The following DNAI4 variants were observed in gnomAD, a reference collection of about 807,000 sequenced individuals.
DNAI4 encodes the protein dynein axonemal intermediate chain 4, also known as WD repeat domain 78.
Under a neutral mutation model 105.8 loss-of-function variants are expected in DNAI4, and 85 were observed. That is an observed-to-expected ratio of 0.80 (90% CI 0.67 to 0.96). The LOEUF is 0.96. Among genes scored for constraint, DNAI4 ranks in the 40% least tolerant of loss-of-function variants. DNAI4 has a pLI of 0.00. For missense variants in DNAI4, 1,014 were observed against 1,005.6 expected (o/e 1.01, Z -0.11); for synonymous variants, 352 against 331.5 (o/e 1.06, Z -0.67).
chr1:66,840,152 C>T (rs142883188), intron 9 of DNAI4, among the ~76,000 whole-genome samples: 24 of 152,078 alleles, frequency 1.6e-4, no homozygotes, highest in Admixed American at 1.4e-3. Flanking sequence ...ATAAATATAC[C>T]AATCGTATAG....
intron 1 of DNAI4, among the ~76,000 whole-genome samples, chr1:66,921,015 T>C (rs918922368): frequency 1.3e-5 from 2 of 152,156 alleles, no homozygotes; most frequent in African/African-American, 4.8e-5. Flanking sequence ...ACAAAAACAG[T>C]GTGAAGAGAC....
At chr1:66,873,174 T>TTCCTTCTCCCTC (rs1160291024) in intron 5 of DNAI4, among the ~76,000 whole-genome samples, 21 of 151,506 alleles carry the variant, frequency 1.4e-4, no homozygotes, top group African/African-American at 5.1e-4. Context: ...CCTTCTCCCT[T>TTCCTTCTCCCTC]TCCTTCTCCC....
At chr1:66,921,744 ACACT>A (rs1650494205) in intron 1 of DNAI4, among the ~76,000 whole-genome samples, 1 of 152,206 alleles carries the variant, frequency 6.6e-6, no homozygotes, top group Admixed American at 6.5e-5. Context: ...ACTGAAGTAA[ACACT>A]CATTCATTCA....
At chr1:66,839,222 A>G (rs1026222763) in intron 9 of DNAI4, among the ~76,000 whole-genome samples, 1 of 152,182 alleles carries the variant, frequency 6.6e-6, no homozygotes, top group Non-Finnish European at 1.5e-5. Context: ...ACTAGAAACC[A>G]GGAGTCCAAG....
chr1:66,834,175 A>G (rs755437419), intron 11 of DNAI4, 27 bp from the exon 12 acceptor site: 167 of 1,539,944 alleles, frequency 1.1e-4, no homozygotes, highest in Middle Eastern at 1.7e-4. Flanking sequence ...AATACTAAAC[A>G]TATAATCATT....
Position 66,891,256 on chromosome 1 carries a change from C to T in DNAI4, c.541G>A (p.Gly181Arg). The T allele has an allele frequency of 6.2e-7, 1 of 1,612,198 alleles. No homozygotes were observed. The highest frequency in any genetic ancestry group is 8.5e-7 in the Non-Finnish European group (1 of 1,178,892). ...CTTGACTTAGAAACTGTACTGCTTC[C>T]TAAAACTGACCTTTAATAATGAATA... ...TLGQFTRSVL[G>R]SSTVSKSSVS... Residue 181 changes from glycine (G) to arginine (R), a missense_variant, in exon 4 of 17, where the codon GGA becomes AGA. Coordinates refer to ENST00000371026, the MANE Select transcript of DNAI4 (RefSeq NM_024763.5).
chr1:66,875,075 G>T, intron 4 of DNAI4, 138 bp from the exon 5 acceptor site: 2 of 831,676 alleles, frequency 2.4e-6, no homozygotes, highest in Non-Finnish European at 3.6e-6. Flanking sequence ...CAGGTTGTGA[G>T]ATGTAGTATA....
intron 15 of DNAI4, among the ~76,000 whole-genome samples, chr1:66,825,432 C>T (rs968426974): frequency 4.6e-5 from 7 of 152,020 alleles, no homozygotes; most frequent in East Asian, 1.9e-4. Flanking sequence ...CCACCCGCCT[C>T]GGCCTCCCAA....
At chr1:66,836,211 AGAGAGAGAG>A (rs1557908361) in intron 10 of DNAI4, among the ~76,000 whole-genome samples, 86 of 67,942 alleles carry the variant, frequency 1.3e-3, no homozygotes, top group Middle Eastern at 0.01. Context: ...AAAGAAAGAG[AGAGAGAGAG>A]AGAGAGAGAG....
At chr1:66,836,785 T>C (rs1646035704) in intron 10 of DNAI4, among the ~76,000 whole-genome samples, 1 of 152,224 alleles carries the variant, frequency 6.6e-6, no homozygotes, top group African/African-American at 2.4e-5. Flanking sequence ...TATTACAGAC[T>C]AGAGCTATTT....
chr1:66,900,235 G>A (rs1218638708), intron 2 of DNAI4, among the ~76,000 whole-genome samples: 2 of 151,966 alleles, frequency 1.3e-5, no homozygotes, highest in Non-Finnish European at 2.9e-5. Context: ...CCGAGTAGCT[G>A]GGATTACAGG....
At chr1:66,825,709 GC>G (rs1645739397) in intron 15 of DNAI4, among the ~76,000 whole-genome samples, 1 of 152,148 alleles carries the variant, frequency 6.6e-6, no homozygotes, top group Non-Finnish European at 1.5e-5. Context: ...TATTTAAGAA[GC>G]CACTTTATAC....
chr1:66,887,840 T>C (rs1647274376), intron 4 of DNAI4, among the ~76,000 whole-genome samples: 1 of 151,910 alleles, frequency 6.6e-6, no homozygotes, highest in Non-Finnish European at 1.5e-5. Context: ...GCACCTGTAA[T>C]CCCAGCTACT....
In DNAI4 at chr1:66,827,848, A is replaced by G. The variant is rs1214354761; in HGVS notation, c.2076T>C (p.Tyr692=). ...EGHIHKCSCS[Y]NEQYLDTYRG... is the part of the protein sequence containing the mutation. ...TGTAGGTATCTAAGTATTGTTCATTATATGAACAAGAACATTTGTGAATAT... is the reference window on the plus strand; with the variant it reads ...TGTAGGTATCTAAGTATTGTTCATTGTATGAACAAGAACATTTGTGAATAT... Residue 692 remains tyrosine, a synonymous_variant, in exon 14 of 17, where the codon TAT becomes TAC. Coordinates refer to ENST00000371026, the MANE Select transcript of DNAI4 (RefSeq NM_024763.5). The G allele has an allele frequency of 6.2e-7, 1 of 1,604,944 alleles. No individual in the cohort carries two copies. The highest frequency in any genetic ancestry group is 1.1e-5 in the South Asian group (1 of 89,638).
At chr1:66,862,535 C>A (rs182481992) in intron 6 of DNAI4, among the ~76,000 whole-genome samples, 1 of 151,926 alleles carries the variant, frequency 6.6e-6, no homozygotes, top group East Asian at 1.9e-4. Flanking sequence ...TGCACTCTAG[C>A]CTAGACAACA....
chr1:66,824,710 T>C (rs1439740984), intron 15 of DNAI4, among the ~76,000 whole-genome samples: 1 of 152,094 alleles, frequency 6.6e-6, no homozygotes, highest in African/African-American at 2.4e-5. Context: ...GCTCTCTGTT[T>C]GTCTGTTGTT....
Position 66,921,853 on chromosome 1 carries a change from T to G in DNAI4, c.170+2809A>C, listed in dbSNP as rs1445893686. 2.6e-5 allele frequency among the ~76,000 whole-genome samples: 4 copies of G among 151,616 alleles called. No individual in the cohort carries two copies. In the South Asian group the frequency reaches 6.2e-4, roughly 24 times the overall value. On this transcript the variant is annotated intron_variant, in intron 1 of 16. Coordinates refer to ENST00000371026, the MANE Select transcript of DNAI4 (RefSeq NM_024763.5). ...GCCTTTTTGGAGTACTATCCTTAGG[T>G]GAAGATGGATGAATAAGCAGGTACA...
In DNAI4 at chr1:66,924,793, G is replaced by A. The variant is rs768342827; in HGVS notation, c.39C>T (p.Ala13=). The change falls in exon 1 of 17, where the codon GCC becomes GCT. Residue 13 remains alanine, a synonymous_variant. Coordinates refer to ENST00000371026, the MANE Select transcript of DNAI4 (RefSeq NM_024763.5). ...PGKHSGASAR[A]ANGGAWGYRD... ...TGTACCCCCAAGCTCCTCCGTTAGC[G>A]GCTCGGGCCGAGGCTCCGGAATGTT... 9 of 1,614,168 alleles carry A rather than the reference G, an allele frequency of 5.6e-6. No individual in the cohort carries two copies. Among genetic ancestry groups the A allele is most frequent in the Non-Finnish European group, 7.6e-6 (9 of 1,180,028 alleles).
intron 7 of DNAI4, chr1:66,848,051 G>A: frequency 2.7e-6 from 1 of 370,040 alleles, no homozygotes; most frequent in Non-Finnish European, 5.2e-6. Flanking sequence ...TCTTGCTGCT[G>A]TAACAAATCA....
Sources: gnomAD v4.1 joint callset for allele counts (sites outside exome capture counted in the v4.1 genomes callset) on GRCh38, gnomAD v4.1.1 for gene constraint, MANE v1.5 for transcripts, NCBI Gene and HGNC (gene_info 2026-07-23, HGNC 2026-07-21) for gene names.